GMDS: variants seen among roughly 807,000 people sequenced by gnomAD.
GMDS encodes GDP-mannose 4,6-dehydratase, also known as GDP-mannose 4,6 dehydratase.
A neutral mutation model predicts 49.9 loss-of-function variants in GMDS; 20 were observed. That is an observed-to-expected ratio of 0.40 (90% CI 0.28 to 0.58). The LOEUF is 0.58. Among genes scored for constraint, GMDS ranks in the 20% least tolerant of loss-of-function variants. The pLI is 0.42. For synonymous variants in GMDS, 177 were observed against 178.6 expected (o/e 0.99, Z 0.07); for missense variants, 362 against 481.4 (o/e 0.75, Z 2.32).
At chr6:1,963,686 GAAAA>G (rs1764099550) in intron 4 of GMDS, among the ~76,000 whole-genome samples, 1 of 152,052 alleles carries the variant, frequency 6.6e-6, no homozygotes, top group Non-Finnish European at 1.5e-5. Flanking sequence ...TTGTTATCAG[GAAAA>G]GCCATGGCCT....
chr6:2,190,583 A>G (rs909528078), intron 1 of GMDS, among the ~76,000 whole-genome samples: 1 of 152,174 alleles, frequency 6.6e-6, no homozygotes, highest in Admixed American at 6.5e-5. Context: ...ACAATTTGGG[A>G]GAGAATACTT....
chr6:1,972,096 A>G (rs1764644345), intron 4 of GMDS, among the ~76,000 whole-genome samples: 1 of 152,206 alleles, frequency 6.6e-6, no homozygotes, highest in Non-Finnish European at 1.5e-5. Context: ...CTCCGTGGTC[A>G]CAATTCTTTG....
At chr6:1,800,291 A>G (rs928461036) in intron 7 of GMDS, among the ~76,000 whole-genome samples, 2 of 152,220 alleles carry the variant, frequency 1.3e-5, no homozygotes, top group Non-Finnish European at 2.9e-5. Flanking sequence ...CACAGGTTGT[A>G]TTGATATTGG....
At chr6:2,106,272 G>GA (rs1306754951) in intron 4 of GMDS, among the ~76,000 whole-genome samples, 3 of 152,124 alleles carry the variant, frequency 2.0e-5, no homozygotes, top group African/African-American at 7.2e-5. Flanking sequence ...CAAAGTAGCA[G>GA]AAAAAATTCT....
intron 7 of GMDS, among the ~76,000 whole-genome samples, chr6:1,869,757 A>C (rs1405295964): frequency 6.6e-6 from 1 of 152,268 alleles, no homozygotes; most frequent in Non-Finnish European, 1.5e-5. Flanking sequence ...TTGGGACCAC[A>C]GTGCGGAAAA....
intron 4 of GMDS, among the ~76,000 whole-genome samples, chr6:1,995,187 CA>C (rs1766202380): frequency 6.6e-6 from 1 of 152,132 alleles, no homozygotes. Context: ...GAACACGGCT[CA>C]CCATGTAATT....
chr6:1,651,320 GCTCA>G (rs999317106), intron 9 of GMDS, among the ~76,000 whole-genome samples: 13 of 152,214 alleles, frequency 8.5e-5, no homozygotes, highest in Admixed American at 1.3e-4. Flanking sequence ...GCCTGGCATG[GCTCA>G]CTAAGGCCCA....
chr6:1,931,317 A>G (rs1398569359), intron 6 of GMDS, among the ~76,000 whole-genome samples: 3 of 152,342 alleles, frequency 2.0e-5, no homozygotes, highest in East Asian at 1.9e-4. Flanking sequence ...ATATTTCTAA[A>G]TAGGTTTTCC....
chr6:2,144,321 C>G (rs1459054341), intron 1 of GMDS, among the ~76,000 whole-genome samples: 1 of 152,140 alleles, frequency 6.6e-6, no homozygotes, highest in African/African-American at 2.4e-5. Flanking sequence ...CTCAGTGATC[C>G]TAGAGACAGG....
chr6:2,092,961 T>C (rs1438123115), intron 4 of GMDS, among the ~76,000 whole-genome samples: 1 of 152,238 alleles, frequency 6.6e-6, no homozygotes, highest in African/African-American at 2.4e-5. Context: ...AGTATGTGTA[T>C]TCAGCCAGTA....
At chr6:1,893,642 C>T (rs568620352) in intron 7 of GMDS, among the ~76,000 whole-genome samples, 2 of 152,268 alleles carry the variant, frequency 1.3e-5, no homozygotes, top group African/African-American at 2.4e-5. Flanking sequence ...AGAGCTAAAT[C>T]GGGAAAGCTG....
chr6:2,012,741 A>C (rs1421085419), intron 4 of GMDS, among the ~76,000 whole-genome samples: 1 of 152,210 alleles, frequency 6.6e-6, no homozygotes, highest in African/African-American at 2.4e-5. Context: ...GAATTCCTGC[A>C]GAATGAATAT....
In GMDS at chr6:1,823,823, TTTG is replaced by T. The variant is rs1444700237; in HGVS notation, c.772-81240_772-81238del. ...AATATATGCATAAATAGATGCATTT[TTTG>T]TTGTTGTTGAGAATCCAAAATGGTC... On this transcript the variant is annotated intron_variant, in intron 7 of 10. Transcript: ENST00000380815. Among the ~76,000 whole-genome samples the T allele has an allele frequency of 7.5e-5, 11 of 147,466 alleles. No homozygotes were observed. In the East Asian group the frequency reaches 1.8e-3, roughly 24 times the overall value.
intron 1 of GMDS, among the ~76,000 whole-genome samples, chr6:2,226,494 A>G (rs2127592587): frequency 6.6e-6 from 1 of 152,358 alleles, no homozygotes; most frequent in African/African-American, 2.4e-5. Context: ...AGAGTATATC[A>G]TTAACAAAAG....
chr6:1,924,907 G>A (rs540441469), intron 7 of GMDS, among the ~76,000 whole-genome samples: 63 of 151,842 alleles, frequency 4.1e-4, no homozygotes, highest in African/African-American at 1.4e-3. Flanking sequence ...TGAACTGGCC[G>A]AAATCGCACC....
At chr6:2,185,821 G>C (rs1353072182) in intron 1 of GMDS, among the ~76,000 whole-genome samples, 2 of 152,178 alleles carry the variant, frequency 1.3e-5, no homozygotes, top group African/African-American at 2.4e-5. Flanking sequence ...CCTCGTCTAT[G>C]TAGTAAGGCT....
At chr6:2,004,491 G>A (rs2127386307) in intron 4 of GMDS, among the ~76,000 whole-genome samples, 1 of 152,202 alleles carries the variant, frequency 6.6e-6, no homozygotes, top group African/African-American at 2.4e-5. Flanking sequence ...AAACATTAAA[G>A]GTATTTCTCC....
chr6:1,671,486 T>A (rs778327597), intron 9 of GMDS, among the ~76,000 whole-genome samples: 2 of 152,112 alleles, frequency 1.3e-5, no homozygotes, highest in Non-Finnish European at 2.9e-5. Context: ...GCATTATTAT[T>A]TTCTGGGTTT....
At chr6:2,026,412 A>G (rs918205784) in intron 4 of GMDS, among the ~76,000 whole-genome samples, 1 of 152,244 alleles carries the variant, frequency 6.6e-6, no homozygotes, top group African/African-American at 2.4e-5. Flanking sequence ...TAAGGATAAT[A>G]ATAACACCAA....
Sources: allele counts gnomAD v4.1 joint callset (sites outside exome capture counted in the v4.1 genomes callset), GRCh38; gene constraint gnomAD v4.1.1; transcripts MANE v1.5; gene names NCBI Gene and HGNC (gene_info 2026-07-23, HGNC 2026-07-21).